CROCC: variants seen among roughly 807,000 people sequenced by gnomAD.
The protein encoded by CROCC is ciliary rootlet coiled-coil, rootletin, also known as rootletin.
Under a neutral mutation model 245.2 loss-of-function variants are expected in CROCC, and 180 were observed. The observed-to-expected ratio is 0.73, with a 90% CI of 0.65 to 0.83. CROCC has a LOEUF of 0.83. Ranked by LOEUF, CROCC falls within the 40% of genes least tolerant of loss-of-function variation. CROCC has a pLI of 0.00. For missense variants in CROCC, 2,688 were observed against 2,779.4 expected, an observed-to-expected ratio of 0.97 and a Z score of 0.74; for synonymous variants, 1,205 against 1,241.6, an observed-to-expected ratio of 0.97 and a Z score of 0.62.
At chr1:16,931,507 G>A (rs1331373611) in intron 8 of CROCC, 110 bp downstream of exon 8, 5 of 1,064,396 alleles carry the variant, frequency 4.7e-6, no homozygotes, top group Non-Finnish European at 7.1e-6. Context: ...TGTGCACAAG[G>A]GCCGGTGAGG....
intron 12 of CROCC, 71 bp downstream of exon 12, chr1:16,939,213 G>GGCGGGC: frequency 1.6e-6 from 2 of 1,265,986 alleles, no homozygotes; most frequent in Non-Finnish European, 2.1e-6. Flanking sequence ...TCCGGGTGGG[G>GGCGGGC]GCGGGGGCGG....
At chr1:16,943,406 C>A (rs532963325) in intron 13 of CROCC, among the ~76,000 whole-genome samples, 3 of 152,208 alleles carry the variant, frequency 2.0e-5, no homozygotes, top group Admixed American at 6.5e-5. Context: ...GACATGGTGG[C>A]GGGCGCCTGT....
In CROCC at chr1:16,954,961, G is replaced by A; in HGVS notation, c.3465+84G>A. ...GGCCTAGTTCCCCAGGGCCCCAGAA[G>A]AGTGTAAGATTCCTCCCTGCATTTG... is the stretch of plus-strand genomic sequence containing the variant. On this transcript the variant is annotated intron_variant, in intron 23 of 36. Coordinates refer to ENST00000375541, the MANE Select transcript of CROCC (RefSeq NM_014675.5). This position sits in a 1 kb window ranked among gnomAD's most constrained non-coding sequence, Gnocchi z 4.4. The A allele has an allele frequency of 1.4e-6, 2 of 1,421,316 alleles. No individual in the cohort carries two copies. The highest frequency in any genetic ancestry group is 1.9e-6 in the Non-Finnish European group (2 of 1,076,264). The allele number at this position is 1,421,316 out of a possible 1,614,324, so 88.0% of individuals were successfully genotyped here.
chr1:16,940,396 T>C (rs1468203123), intron 13 of CROCC, among the ~76,000 whole-genome samples: 9 of 152,122 alleles, frequency 5.9e-5, no homozygotes, highest in African/African-American at 2.2e-4. Flanking sequence ...GCTAATTTTT[T>C]TTTTTTTTTT....
intron 20 of CROCC, among the ~76,000 whole-genome samples, chr1:16,952,124 T>A (rs2076171424): frequency 1.3e-5 from 2 of 151,084 alleles, no homozygotes; most frequent in Non-Finnish European, 3.0e-5. Flanking sequence ...TTTGACCTCG[T>A]AATCTGCCCA....
Position 16,961,091 on chromosome 1 carries a change from C to T in CROCC, c.4366C>T (p.Pro1456Ser). 1 of 1,364,570 alleles carries T rather than the reference C, an allele frequency of 7.3e-7. No individual in the cohort carries two copies. The highest frequency in any genetic ancestry group is 1.7e-5 in the South Asian group (1 of 58,956). 84.5% of individuals were successfully genotyped at this position (1,364,570 alleles called of 1,614,324 possible). A position where few individuals can be genotyped will look rare whatever the true frequency, so the allele number is the denominator to read the frequency against. Residue 1456 changes from proline (P) to serine (S), a missense_variant, in exon 27 of 37, where the codon CCA (proline) becomes TCA (serine). Transcript: ENST00000375541. ...TCGCGCGCCCAGCCCAGCCCCGCGG[C>T]CAGTGCCCGGTTCCCCTGCCCGGGA... ...LGRAPSPAPR[P>S]VPGSPARDAP...
At position 16,938,941 on chromosome 1, in the gene CROCC, G is replaced by C. The variant is rs1408908947; in HGVS notation, c.1407G>C (p.Gln469His). ...AVLSDSESGV[Q>H]LSGSERTADA... ...TGTCAGACTCTGAGAGCGGCGTCCA[G>C]CTGAGCGGCTCTGAGCGCACCGCGG... is the stretch of plus-strand genomic sequence containing the variant. Residue 469 changes from glutamine to histidine, a missense_variant, in exon 12 of 37, where the codon CAG becomes CAC. Gln to His is a conservative substitution (Grantham distance 24). Around this residue, in one of 9 missense-constraint regions of CROCC, gnomAD observed 972 missense variants for 895.3 expected, o/e 1.09. Transcript: ENST00000375541. 4.4e-6 allele frequency: 7 copies of C among 1,603,074 alleles called. No homozygotes were observed. The Admixed American group carries it at 5.3e-5, about 12-fold the overall frequency.
chr1:16,951,889 TTTTTTC>T (rs2076166609), intron 20 of CROCC: 1 of 163,910 alleles, frequency 6.1e-6, no homozygotes, highest in Non-Finnish European at 1.3e-5. Context: ...GCTCTTTTTT[TTTTTTC>T]TTTTTTCTTT....
At chr1:16,955,110 G>A (rs2076227438) in intron 23 of CROCC, among the ~76,000 whole-genome samples, 2 of 152,176 alleles carry the variant, frequency 1.3e-5, no homozygotes, top group African/African-American at 4.8e-5. Flanking sequence ...GTTGTGCTCA[G>A]GACAGTCCTG....
chr1:16,929,681 C>T (rs1171234053), intron 3 of CROCC, among the ~76,000 whole-genome samples, 165 bp from the exon 4 acceptor site: 2 of 152,288 alleles, frequency 1.3e-5, no homozygotes, highest in Non-Finnish European at 2.9e-5. Context: ...ACCCCATACA[C>T]ACGTGCACTG....
chr1:16,942,467 C>A (rs1238180329), intron 13 of CROCC, among the ~76,000 whole-genome samples: 6 of 152,278 alleles, frequency 3.9e-5, no homozygotes, highest in African/African-American at 1.4e-4. Context: ...CATCCTAATT[C>A]ATTTAGGGCA....
chr1:16,924,819 T>TGA (rs532557862), intron 3 of CROCC, among the ~76,000 whole-genome samples: 261 of 152,328 alleles, frequency 1.7e-3, no homozygotes, highest in African/African-American at 5.9e-3. Context: ...TCCTGCCCCT[T>TGA]GAGTTTCTGG....
At chr1:16,958,537 G>A in intron 25 of CROCC, 46 bp from the exon 26 acceptor site, 1 of 1,547,610 alleles carries the variant, frequency 6.5e-7, no homozygotes. Context: ...AACTGGGAGG[G>A]TACAGGGGCA....
chr1:16,938,750 G>A (rs1409497257), intron 11 of CROCC, among the ~76,000 whole-genome samples, 159 bp from the exon 12 acceptor site: 5 of 152,290 alleles, frequency 3.3e-5, no homozygotes, highest in Non-Finnish European at 5.9e-5. Flanking sequence ...GCGGCGAGCC[G>A]AGGACTGAGC....
chr1:16,937,556 T>C, intron 9 of CROCC, 85 bp from the exon 10 acceptor site: 1 of 1,197,574 alleles, frequency 8.4e-7, no homozygotes, highest in Non-Finnish European at 1.2e-6. Context: ...GCCTCGGGTT[T>C]GGAGAAGCAT....
intron 18 of CROCC, 127 bp from the exon 19 acceptor site, chr1:16,948,672 G>A: frequency 6.5e-7 from 1 of 1,529,552 alleles, no homozygotes; most frequent in Non-Finnish European, 8.8e-7. Context: ...GGCTTCCCCA[G>A]GGAGTGTGGG....
chr1:16,963,576 A>T (rs1043889058), intron 27 of CROCC, among the ~76,000 whole-genome samples: 2 of 152,124 alleles, frequency 1.3e-5, no homozygotes, highest in Non-Finnish European at 2.9e-5. Flanking sequence ...GCTGCGGAGC[A>T]GTTTTGGTGT....
chr1:16,922,099 C>G, intron 1 of CROCC, 21 bp downstream of exon 1: 1 of 1,533,712 alleles, frequency 6.5e-7, no homozygotes, highest in African/African-American at 1.4e-5. Context: ...GGGGCTGTGC[C>G]CACCCTGTCT....
At chr1:16,926,552 C>T (rs1396368989) in intron 3 of CROCC, among the ~76,000 whole-genome samples, 21 of 152,264 alleles carry the variant, frequency 1.4e-4, no homozygotes, top group African/African-American at 2.7e-4. Flanking sequence ...GCATGGGGAG[C>T]GGAGGGAGGG....
Sources: allele counts gnomAD v4.1 joint callset (sites outside exome capture counted in the v4.1 genomes callset), GRCh38; gene constraint gnomAD v4.1.1; regional missense constraint gnomAD v4.1.1; non-coding constraint Gnocchi (gnomAD v3.1); transcripts MANE v1.5; gene names NCBI Gene and HGNC (gene_info 2026-07-23, HGNC 2026-07-21).